Variants in HGF observed in about 807,000 individuals in gnomAD.
HGF encodes fibroblast-derived tumor cytotoxic factor.
A neutral mutation model predicts 111.6 loss-of-function variants in HGF; 39 were observed. The ratio of observed to expected loss-of-function variants is 0.35; its 90% confidence interval spans 0.27 to 0.46. The LOEUF (loss-of-function observed/expected upper bound fraction) is 0.46. Ranked by LOEUF, HGF falls within the 20% of genes least tolerant of loss-of-function variation. HGF has a pLI of 1.00. For synonymous variants in HGF, 285 were observed against 294.8 expected (o/e 0.97, Z 0.34); for missense variants, 735 against 910.5 (o/e 0.81, Z 2.48).
chr7:81,765,117 A>G (rs1364559979), intron 1 of HGF, among the ~76,000 whole-genome samples: 3 of 152,042 alleles, frequency 2.0e-5, no homozygotes, highest in African/African-American at 2.4e-5. Flanking sequence ...AGTGTGAGGG[A>G]AAAGCCTAAA....
At chr7:81,763,868 A>G (rs965314682) in intron 1 of HGF, among the ~76,000 whole-genome samples, 1 of 152,174 alleles carries the variant, frequency 6.6e-6, no homozygotes, top group Non-Finnish European at 1.5e-5. Flanking sequence ...AGAAACCAAG[A>G]CATAGAAAAA....
intron 11 of HGF, among the ~76,000 whole-genome samples, chr7:81,713,298 G>A (rs147075147): frequency 4.5e-4 from 68 of 152,136 alleles, no homozygotes; most frequent in African/African-American, 1.5e-3. Flanking sequence ...AGGCCGAGGC[G>A]GATGGATCAC....
chr7:81,712,638 G>A, intron 11 of HGF, among the ~76,000 whole-genome samples: 1 of 152,132 alleles, frequency 6.6e-6, no homozygotes, highest in Non-Finnish European at 1.5e-5. Context: ...TGAGACACAA[G>A]ACATTTCCTG....
chr7:81,755,258 ATCAT>A, intron 4 of HGF: 1 of 152,250 alleles, frequency 6.6e-6, no homozygotes, highest in East Asian at 1.9e-4. Context: ...TCAACAATAA[ATCAT>A]TCCTCCAGAC....
chr7:81,727,562 C>G (rs74419583), intron 8 of HGF, among the ~76,000 whole-genome samples: 2,541 of 111,388 alleles, frequency 0.023, 75 homozygotes, highest in African/African-American at 0.088. Flanking sequence ...ATGAGACAAG[C>G]AATTTATACT....
intron 17 of HGF, among the ~76,000 whole-genome samples, chr7:81,705,143 G>A (rs538076442): frequency 1.3e-4 from 18 of 143,722 alleles, no homozygotes; most frequent in African/African-American, 4.4e-4. Context: ...TTGGAGTTCC[G>A]GCTCTACACA....
intron 2 of HGF, among the ~76,000 whole-genome samples, chr7:81,761,633 G>C (rs192818445): frequency 7.4e-4 from 113 of 151,968 alleles, no homozygotes; most frequent in Admixed American, 7.4e-3. Context: ...CTAAAAAAAT[G>C]TGTCTTCTTC....
chr7:81,758,817 T>C lies in HGF; in HGVS notation c.255-13A>G. ...AAAAACAAAAGCCCTGAAAAAAATA[T>C]CAGAATGAAAAGAAGAAATACTACT... is the stretch of plus-strand genomic sequence containing the variant. On this transcript the variant is annotated splice_polypyrimidine_tract_variant and intron_variant, in intron 2 of 17. Coordinates refer to ENST00000222390, the MANE Select transcript of HGF (RefSeq NM_000601.6). 1 of 1,544,624 alleles carries C rather than the reference T, an allele frequency of 6.5e-7. No homozygotes were observed. Among genetic ancestry groups the C allele is most frequent in the Non-Finnish European group, 8.9e-7 (1 of 1,117,682 alleles).
rs938718837 is a variant in HGF, at chr7:81,701,425, A to G, written c.*1156T>C. ...ATTTTTTTCTCCAATATATACTTTA[A>G]TGCATGACTTGATGAAGGGTATTTA... On this transcript the variant is annotated 3_prime_UTR_variant, in exon 18 of 18. Transcript: ENST00000222390. The G allele has an allele frequency of 1.3e-5, 2 of 151,514 alleles. No homozygotes were observed. Among genetic ancestry groups the G allele is most frequent in the African/African-American group, 4.8e-5 (2 of 41,378 alleles). The allele number at this position is 151,514 out of a possible 1,614,324, so 9.4% of individuals were successfully genotyped here. A position where few individuals can be genotyped will look rare whatever the true frequency, so the allele number is the denominator to read the frequency against.
At chr7:81,750,699 G>C in intron 5 of HGF, among the ~76,000 whole-genome samples, 1 of 152,072 alleles carries the variant, frequency 6.6e-6, no homozygotes, top group East Asian at 1.9e-4. Context: ...ATAGTAAGCT[G>C]TTTAAAGTTT....
intron 7 of HGF, among the ~76,000 whole-genome samples, chr7:81,731,007 T>C (rs1465930825): frequency 6.6e-6 from 1 of 152,192 alleles, no homozygotes; most frequent in African/African-American, 2.4e-5. Context: ...CTATAGTTAA[T>C]AGTGTAAATA....
chr7:81,719,754 T>C (rs1263325884), intron 10 of HGF, among the ~76,000 whole-genome samples: 1 of 152,186 alleles, frequency 6.6e-6, no homozygotes, highest in Non-Finnish European at 1.5e-5. Context: ...ACTATCCTTT[T>C]GTGTGAAGTA....
In HGF at chr7:81,699,629, A is replaced by C. The variant is rs1789232590; in HGVS notation, c.*2952T>G. On this transcript the variant is annotated 3_prime_UTR_variant, in exon 18 of 18. Transcript: ENST00000222390. The stretch of plus-strand genomic sequence containing the variant: ...ATTTCTTTTAAAAAAGTTTAAAAAC[A>C]ACAATGAAATGCCTGACAGCAATTT... The C allele has an allele frequency of 6.6e-6, 1 of 151,716 alleles. No individual in the cohort carries two copies. Among genetic ancestry groups the C allele is most frequent in the Admixed American group, 6.6e-5 (1 of 15,166 alleles). The allele number at this position is 151,716 out of a possible 1,614,324, so 9.4% of individuals were successfully genotyped here.
intron 7 of HGF, among the ~76,000 whole-genome samples, chr7:81,735,473 A>G (rs951204976): frequency 1.3e-5 from 2 of 152,156 alleles, no homozygotes; most frequent in Non-Finnish European, 2.9e-5. Context: ...GGCCTTGGAT[A>G]AATTAGGAAA....
intron 7 of HGF, among the ~76,000 whole-genome samples, chr7:81,732,579 C>G (rs1402163840): frequency 6.6e-6 from 1 of 152,048 alleles, no homozygotes; most frequent in African/African-American, 2.4e-5. Context: ...ATGATAGTTA[C>G]AATCTGAAGC....
chr7:81,760,145 T>C (rs1788996503), intron 2 of HGF, among the ~76,000 whole-genome samples: 1 of 152,220 alleles, frequency 6.6e-6, no homozygotes, highest in East Asian at 1.9e-4. Flanking sequence ...CATCTTCTTT[T>C]AGGTTTGACT....
chr7:81,704,168 CTT>C (rs924956166), intron 17 of HGF, among the ~76,000 whole-genome samples: 18 of 151,656 alleles, frequency 1.2e-4, no homozygotes, highest in African/African-American at 4.1e-4. Flanking sequence ...GAGGTCAAGT[CTT>C]ATCAATAAAG....
At chr7:81,739,636 A>G (rs10272750) in intron 7 of HGF, among the ~76,000 whole-genome samples, 124,950 of 151,950 alleles carry the variant, frequency 0.82, 51,840 homozygotes, top group African/African-American at 0.92. Flanking sequence ...GGGAGGGTAG[A>G]GGTGTTGACA....
In HGF at chr7:81,726,020, AT is replaced by A. The variant is rs1562882006; in HGVS notation, c.1041-4del. The A allele has an allele frequency of 1.9e-6, 3 of 1,613,860 alleles. No individual in the cohort carries two copies. In the South Asian group the frequency reaches 3.3e-5, roughly 18 times the overall value. ...GGCAGTAATTTTCTCGTAGGTCCCTATTGAGAATAAGCATGTTAATGTAAAT... is the reference window on the plus strand; with the variant it reads ...GGCAGTAATTTTCTCGTAGGTCCCTATGAGAATAAGCATGTTAATGTAAAT... On this transcript the variant is annotated splice_region_variant and splice_polypyrimidine_tract_variant and intron_variant, in intron 8 of 17. Coordinates refer to ENST00000222390, the MANE Select transcript of HGF (RefSeq NM_000601.6).
Sources: allele counts gnomAD v4.1 joint callset (sites outside exome capture counted in the v4.1 genomes callset), GRCh38; gene constraint gnomAD v4.1.1; transcripts MANE v1.5; gene names NCBI Gene and HGNC (gene_info 2026-07-23, HGNC 2026-07-21).